The following NXPE2 variants were observed in gnomAD, a reference collection of about 807,000 sequenced individuals.
NXPE2 encodes the protein NXPE family member 2.
A neutral mutation model predicts 34.4 loss-of-function variants in NXPE2; 34 were observed. The ratio of observed to expected loss-of-function variants is 0.99; its 90% CI spans 0.75 to 1.31. NXPE2 has a LOEUF of 1.31. Ranked by LOEUF, NXPE2 falls within the 40% of genes most tolerant of loss-of-function variation. The pLI, the probability that NXPE2 is intolerant of heterozygous loss-of-function variation, is 0.00. For missense variants in NXPE2, 649 were observed against 672.5 expected, an observed-to-expected ratio of 0.97 and a Z score of 0.39; for synonymous variants, 235 against 231.3, an observed-to-expected ratio of 1.02 and a Z score of -0.15.
chr11:114,645,359 C>G, the NXPE2 span, among the ~76,000 whole-genome samples: 1 of 152,002 alleles, frequency 6.6e-6, no homozygotes, highest in African/African-American at 2.4e-5. Flanking sequence ...TATACCACAT[C>G]ATGCATGCCT....
the NXPE2 span, among the ~76,000 whole-genome samples, chr11:114,639,769 AAAT>A: frequency 2.3e-5 from 3 of 129,084 alleles, no homozygotes; most frequent in East Asian, 2.1e-4. Flanking sequence ...ATTAAATATA[AAAT>A]AATATAAAAT....
At chr11:114,768,727 G>C in the NXPE2 span, among the ~76,000 whole-genome samples, 3 of 152,106 alleles carry the variant, frequency 2.0e-5, no homozygotes, top group African/African-American at 7.2e-5. Flanking sequence ...TTGGTGTATA[G>C]CAATGCTTGT....
the NXPE2 span, among the ~76,000 whole-genome samples, chr11:114,535,311 C>T: frequency 3.3e-5 from 5 of 152,154 alleles, no homozygotes; most frequent in South Asian, 8.3e-4. Context: ...CAACCGGTAC[C>T]AGCCACTGCA....
the NXPE2 span, among the ~76,000 whole-genome samples, chr11:114,803,504 T>C: frequency 4.6e-5 from 7 of 152,054 alleles, no homozygotes; most frequent in African/African-American, 1.7e-4. Flanking sequence ...GAGGGTTCTT[T>C]TCCTCATAGA....
chr11:114,722,467 C>T, the NXPE2 span, among the ~76,000 whole-genome samples: 23 of 151,764 alleles, frequency 1.5e-4, no homozygotes, highest in African/African-American at 2.2e-4. Context: ...TTTATAGCAA[C>T]GTGAAAATGA....
the NXPE2 span, among the ~76,000 whole-genome samples, chr11:114,756,438 A>G: frequency 6.6e-6 from 1 of 152,184 alleles, no homozygotes; most frequent in Non-Finnish European, 1.5e-5. Flanking sequence ...TCATTCTACA[A>G]TAAAATATTT....
chr11:114,782,314 C>A, the NXPE2 span, among the ~76,000 whole-genome samples: 1 of 152,172 alleles, frequency 6.6e-6, no homozygotes, highest in African/African-American at 2.4e-5. Context: ...TGTGCTCTTT[C>A]TGTCTTGGCA....
chr11:114,527,862 G>C, the NXPE2 span: 1 of 1,606,782 alleles, frequency 6.2e-7, no homozygotes, highest in Non-Finnish European at 8.5e-7. Flanking sequence ...TGACATCAAT[G>C]TGTTTACGAT....
chr11:114,629,984 AAGG>A, the NXPE2 span, among the ~76,000 whole-genome samples: 3 of 150,814 alleles, frequency 2.0e-5, no homozygotes, highest in Non-Finnish European at 1.5e-5. Context: ...GGAACTCTTC[AAGG>A]AGAACTACAA....
the NXPE2 span, among the ~76,000 whole-genome samples, chr11:114,504,484 G>T: frequency 1.3e-5 from 2 of 152,232 alleles, no homozygotes; most frequent in South Asian, 4.2e-4. Context: ...CAGGGAAGCA[G>T]GTACCCCCAC....
At chr11:114,662,562 T>C in the NXPE2 span, among the ~76,000 whole-genome samples, 8 of 152,138 alleles carry the variant, frequency 5.3e-5, no homozygotes, top group Admixed American at 2.0e-4. Context: ...AGACACCAGC[T>C]GCGGTGGCTA....
At chr11:114,637,846 T>C in the NXPE2 span, among the ~76,000 whole-genome samples, 6 of 152,092 alleles carry the variant, frequency 3.9e-5, no homozygotes, top group African/African-American at 1.4e-4. Flanking sequence ...GTTAGTCTGA[T>C]GGGCTTCCCT....
the NXPE2 span, among the ~76,000 whole-genome samples, chr11:114,719,692 G>C: frequency 2.6e-5 from 4 of 152,240 alleles, no homozygotes; most frequent in Non-Finnish European, 5.9e-5. Flanking sequence ...CCTGCTTCTA[G>C]AGGCTGTGGT....
chr11:114,581,620 C>T, the NXPE2 span: 3 of 887,158 alleles, frequency 3.4e-6, no homozygotes, highest in Non-Finnish European at 5.4e-6. Context: ...GCCAGATGAA[C>T]AGAGTGCTGA....
At chr11:114,613,024 C>G in the NXPE2 span, among the ~76,000 whole-genome samples, 1 of 151,862 alleles carries the variant, frequency 6.6e-6, no homozygotes, top group East Asian at 1.9e-4. Context: ...TCTAGGGTAA[C>G]CACTGTTACC....
At chr11:114,492,552 T>C in the NXPE2 span, among the ~76,000 whole-genome samples, 1 of 151,856 alleles carries the variant, frequency 6.6e-6, no homozygotes, top group Non-Finnish European at 1.5e-5. Flanking sequence ...TTTTTTTTTT[T>C]TTTTGACACG....
At chr11:114,716,676 A>G in the NXPE2 span, among the ~76,000 whole-genome samples, 2 of 152,116 alleles carry the variant, frequency 1.3e-5, no homozygotes, top group Non-Finnish European at 2.9e-5. Flanking sequence ...TCTAGTTGTG[A>G]CCTCAACGTT....
chr11:114,722,966 T>C, the NXPE2 span, among the ~76,000 whole-genome samples: 3 of 152,228 alleles, frequency 2.0e-5, no homozygotes, highest in South Asian at 6.2e-4. Context: ...AACAAAATGT[T>C]GAGAAAAAAG....
chr11:114,560,467 A>T, the NXPE2 span, among the ~76,000 whole-genome samples: 1 of 151,576 alleles, frequency 6.6e-6, no homozygotes, highest in Non-Finnish European at 1.5e-5. Flanking sequence ...GGGTCTTACC[A>T]TGTTGCCCAG....
Sources: gnomAD v4.1 joint callset for allele counts (sites outside exome capture counted in the v4.1 genomes callset) on GRCh38, gnomAD v4.1.1 for gene constraint, MANE v1.5 for transcripts, NCBI Gene and HGNC (gene_info 2026-07-23, HGNC 2026-07-21) for gene names.